Variants in TMTC1 observed in about 807,000 individuals in gnomAD.
The protein encoded by TMTC1 is protein O-mannosyl-transferase TMTC1.
TMTC1 carries 73 observed loss-of-function variants against 104.8 expected under a neutral mutation model. The ratio of observed to expected loss-of-function variants is 0.70; its 90% CI spans 0.58 to 0.85. The LOEUF is 0.85. TMTC1 is among the 40% of genes least tolerant of loss of function. The pLI is 0.00. For missense variants in TMTC1, 1,035 were observed against 1,096.1 expected (o/e 0.94, Z 0.79); for synonymous variants, 434 against 428.7 (o/e 1.01, Z -0.15).
At chr12:29,767,339 A>G (rs936823446) in intron 2 of TMTC1, among the ~76,000 whole-genome samples, 2 of 152,210 alleles carry the variant, frequency 1.3e-5, no homozygotes, top group Non-Finnish European at 2.9e-5. Context: ...AAGGCTCCTA[A>G]GTCTGTCTTT....
intron 5 of TMTC1, chr12:29,640,434 G>A (rs1206327382): frequency 1.3e-5 from 2 of 152,238 alleles, no homozygotes; most frequent in African/African-American, 4.8e-5. Context: ...GGACCCAGGA[G>A]ACCCCCCACA....
chr12:29,729,210 G>A (rs377712703), intron 5 of TMTC1, among the ~76,000 whole-genome samples: 34 of 151,310 alleles, frequency 2.2e-4, no homozygotes, highest in Non-Finnish European at 4.4e-4. Flanking sequence ...TCTTGTGAGC[G>A]TTCTCAATAA....
chr12:29,760,884 G>A (rs1227936782), intron 2 of TMTC1, among the ~76,000 whole-genome samples: 1 of 147,720 alleles, frequency 6.8e-6, no homozygotes, highest in Non-Finnish European at 1.5e-5. Context: ...TATGTATAAT[G>A]TATTACATAT....
chr12:29,605,021 G>A (rs1946661622), intron 6 of TMTC1, among the ~76,000 whole-genome samples: 1 of 151,898 alleles, frequency 6.6e-6, no homozygotes, highest in African/African-American at 2.4e-5. Context: ...GTTTATTACT[G>A]ATAATATGTT....
At chr12:29,623,061 T>A (rs1303600940) in intron 6 of TMTC1, among the ~76,000 whole-genome samples, 1 of 152,176 alleles carries the variant, frequency 6.6e-6, no homozygotes, top group Non-Finnish European at 1.5e-5. Context: ...ACTCTTTGAG[T>A]TGCTTACCCA....
chr12:29,521,553 T>G (rs2136160265), intron 11 of TMTC1, among the ~76,000 whole-genome samples: 2 of 130,810 alleles, frequency 1.5e-5, no homozygotes, highest in Non-Finnish European at 3.2e-5. Context: ...TACATTTTTC[T>G]TTTTCTTTCT....
At chr12:29,680,714 G>A (rs1940885894) in intron 5 of TMTC1, among the ~76,000 whole-genome samples, 1 of 152,136 alleles carries the variant, frequency 6.6e-6, no homozygotes, top group Non-Finnish European at 1.5e-5. Context: ...TCTCTTATGT[G>A]AACACTGGAA....
chr12:29,704,382 G>A (rs1039077829), intron 5 of TMTC1, among the ~76,000 whole-genome samples: 2 of 152,162 alleles, frequency 1.3e-5, no homozygotes, highest in African/African-American at 4.8e-5. Context: ...ATGAACAGAT[G>A]AATGATAGAA....
rs905014375 is a variant in TMTC1 at position 29,506,124 on chromosome 12, T to C, written c.*722A>G. On this transcript the variant is annotated 3_prime_UTR_variant, in exon 18 of 18. Transcript: ENST00000539277. ...GTAGAACCACCACTCTAGTAATACT[T>C]GTAATAAAATTAAAATAGTTTTAAA... The C allele has an allele frequency of 6.6e-6, 1 of 152,156 alleles. No individual in the cohort carries two copies. The highest frequency in any genetic ancestry group is 2.4e-5 in the African/African-American group (1 of 41,434). 9.4% of individuals were successfully genotyped at this position (152,156 alleles called of 1,614,324 possible). A position where few individuals can be genotyped will look rare whatever the true frequency, so the allele number is the denominator to read the frequency against.
rs1302783115 is a variant in TMTC1 at position 29,745,432 on chromosome 12, G to A, written c.938+6234C>T. On this transcript the variant is annotated intron_variant, in intron 5 of 17. Transcript: ENST00000539277. ...AAGGTCAAGAGTTCAAGACCAACCC[G>A]GCCAACATGGTGAAACCCTGTCTCT... Among the ~76,000 whole-genome samples, 5 of 152,054 alleles carry A rather than the reference G, an allele frequency of 3.3e-5. No homozygotes were observed. In the East Asian group the frequency reaches 5.8e-4, roughly 18 times the overall value.
chr12:29,650,297 C>A lies in TMTC1; in HGVS notation c.939-16961G>T, dbSNP rs139654249. On this transcript the variant is annotated intron_variant, in intron 5 of 17. Coordinates refer to ENST00000539277, the MANE Select transcript of TMTC1 (RefSeq NM_001193451.2). ...ATGGGGTTTCACCATGTTAGCCAGG[C>A]TGGTCTCAAACTCCTGACCTCAAGT... Among the ~76,000 whole-genome samples, 228 of 152,138 alleles carry A rather than the reference C, an allele frequency of 1.5e-3. No homozygotes were observed. The Middle Eastern group carries it at 0.024, about 16-fold the overall frequency.
At chr12:29,662,574 C>T (rs1216133998) in intron 5 of TMTC1, among the ~76,000 whole-genome samples, 3 of 148,236 alleles carry the variant, frequency 2.0e-5, no homozygotes, top group South Asian at 2.1e-4. Context: ...CATTTGAACC[C>T]GGGAGGCGGA....
At chr12:29,647,064 C>A (rs540253459) in intron 5 of TMTC1, among the ~76,000 whole-genome samples, 4 of 152,276 alleles carry the variant, frequency 2.6e-5, no homozygotes, top group Non-Finnish European at 4.4e-5. Context: ...ACTCTGTCAC[C>A]CAGGCTGGAG....
intron 5 of TMTC1, among the ~76,000 whole-genome samples, chr12:29,689,047 G>A (rs956329422): frequency 6.6e-6 from 1 of 152,082 alleles, no homozygotes; most frequent in South Asian, 2.1e-4. Flanking sequence ...CTTCAATCCT[G>A]TCTCCTTGAG....
intron 16 of TMTC1, among the ~76,000 whole-genome samples, chr12:29,513,321 CATAT>C (rs35723373): frequency 5.4e-5 from 8 of 148,774 alleles, no homozygotes; most frequent in African/African-American, 1.7e-4. Context: ...AATCAATGGC[CATAT>C]ATATATATAT....
At chr12:29,780,704 C>G (rs1337314794) in intron 1 of TMTC1, among the ~76,000 whole-genome samples, 1 of 152,012 alleles carries the variant, frequency 6.6e-6, no homozygotes, top group African/African-American at 2.4e-5. Context: ...TGACTAAATG[C>G]TGTAGATTGC....
chr12:29,697,120 A>G (rs1407511645), intron 5 of TMTC1, among the ~76,000 whole-genome samples: 1 of 152,218 alleles, frequency 6.6e-6, no homozygotes, highest in East Asian at 1.9e-4. Context: ...CAGGTTCTCA[A>G]TATGTATTCG....
intron 5 of TMTC1, among the ~76,000 whole-genome samples, chr12:29,719,262 G>A (rs2136873681): frequency 6.6e-6 from 1 of 152,234 alleles, no homozygotes; most frequent in Non-Finnish European, 1.5e-5. Flanking sequence ...TTCTCATGGT[G>A]TTTTGTTCAC....
chr12:29,568,960 T>C (rs760273360), intron 9 of TMTC1: 7 of 456,036 alleles, frequency 1.5e-5, no homozygotes, highest in South Asian at 7.7e-5. Context: ...ATCTCCAGCA[T>C]AGATAATCCC....
Sources: gnomAD v4.1 joint callset for allele counts (sites outside exome capture counted in the v4.1 genomes callset) on GRCh38, gnomAD v4.1.1 for gene constraint, MANE v1.5 for transcripts, NCBI Gene and HGNC (gene_info 2026-07-23, HGNC 2026-07-21) for gene names.